Variants in MGRN1 observed in about 807,000 individuals in gnomAD.
MGRN1 encodes mahogunin ring finger 1, also known as E3 ubiquitin-protein ligase MGRN1.
In MGRN1, 29 loss-of-function variants were observed where a neutral mutation model predicts 69.2. The ratio of observed to expected loss-of-function variants is 0.42; its 90% CI spans 0.31 to 0.57. The LOEUF is 0.57. MGRN1 is among the 20% of genes least tolerant of loss of function. The pLI is 0.15. For missense variants in MGRN1, 998 were observed against 796.2 expected (o/e 1.25, Z -3.05); for synonymous variants, 470 against 344.2 (o/e 1.37, Z -4.04).
chr16:4,678,824 G>A (rs1003097051), intron 11 of MGRN1, among the ~76,000 whole-genome samples: 5 of 152,256 alleles, frequency 3.3e-5, no homozygotes, highest in African/African-American at 1.2e-4. Context: ...GAGGACTGGC[G>A]TTCACAGACA....
chr16:4,650,816 G>A (rs957059356), intron 2 of MGRN1: 2 of 201,278 alleles, frequency 9.9e-6, no homozygotes, highest in African/African-American at 4.6e-5. Context: ...GGCAAAAATA[G>A]TATTTACAGA....
At chr16:4,637,284 G>T (rs960444064) in intron 1 of MGRN1, among the ~76,000 whole-genome samples, 1 of 151,826 alleles carries the variant, frequency 6.6e-6, no homozygotes, top group Non-Finnish European at 1.5e-5. Context: ...TCAAAAATTA[G>T]CTGGGCATGG....
At chr16:4,678,372 G>C (rs2079100686) in intron 11 of MGRN1, among the ~76,000 whole-genome samples, 1 of 152,228 alleles carries the variant, frequency 6.6e-6, no homozygotes, top group African/African-American at 2.4e-5. Flanking sequence ...GACAGGGCGA[G>C]AGAGAGGTGG....
intron 1 of MGRN1, among the ~76,000 whole-genome samples, chr16:4,641,036 C>A (rs767542330): frequency 6.6e-6 from 1 of 152,200 alleles, no homozygotes; most frequent in Non-Finnish European, 1.5e-5. Context: ...GGGTGTGGTT[C>A]CACCTGCGTT....
intron 3 of MGRN1, among the ~76,000 whole-genome samples, 187 bp from the exon 4 acceptor site, chr16:4,652,488 GGAA>G (rs1458863696): frequency 6.6e-6 from 1 of 152,190 alleles, no homozygotes. Context: ...TCTGTGGGCA[GGAA>G]GAAGGAGAGG....
intron 8 of MGRN1, among the ~76,000 whole-genome samples, chr16:4,670,082 C>G (rs1320005971): frequency 6.6e-6 from 1 of 151,982 alleles, no homozygotes; most frequent in Non-Finnish European, 1.5e-5. Flanking sequence ...TTTATTGAGA[C>G]AAGACAGAGT....
At chr16:4,668,785 C>T (rs375042695) in intron 8 of MGRN1, among the ~76,000 whole-genome samples, 2 of 151,816 alleles carry the variant, frequency 1.3e-5, no homozygotes, top group Admixed American at 6.6e-5. Flanking sequence ...GACATTCATA[C>T]ACATATACAC....
rs370369822 is a variant in MGRN1, at chr16:4,679,987, G to A, written c.1066-45G>A. Reference sequence around the variant, plus strand: ...GACCTGTCCAGCCCACTCCAGGGCCGCGTGGGGGTGGTAGTTGTAAAACAT... The same window carrying A: ...GACCTGTCCAGCCCACTCCAGGGCCACGTGGGGGTGGTAGTTGTAAAACAT... On this transcript the variant is annotated intron_variant, in intron 11 of 16. Coordinates refer to ENST00000262370, the MANE Select transcript of MGRN1 (RefSeq NM_015246.4). 3.7e-5 allele frequency: 58 copies of A among 1,585,834 alleles called. 1 individual carries two copies. The highest frequency in any genetic ancestry group is 3.4e-4 in the African/African-American group (25 of 74,114).
chr16:4,625,400 C>T (rs948059675), intron 1 of MGRN1, among the ~76,000 whole-genome samples: 3 of 152,240 alleles, frequency 2.0e-5, no homozygotes, highest in Non-Finnish European at 4.4e-5. Context: ...TCGCTTCTGC[C>T]TAGAAAACTC....
chr16:4,639,414 T>C (rs1054300387), intron 1 of MGRN1, among the ~76,000 whole-genome samples: 3 of 151,916 alleles, frequency 2.0e-5, no homozygotes, highest in African/African-American at 7.3e-5. Context: ...GAATCACTGG[T>C]CTGCAGAGCG....
chr16:4,626,853 A>C (rs1596248180), intron 1 of MGRN1, among the ~76,000 whole-genome samples: 1 of 152,156 alleles, frequency 6.6e-6, no homozygotes, highest in African/African-American at 2.4e-5. Context: ...CCCAGGTGCA[A>C]CCCATCAGCT....
intron 16 of MGRN1, among the ~76,000 whole-genome samples, chr16:4,686,028 G>A (rs1187832634): frequency 1.3e-5 from 2 of 152,186 alleles, no homozygotes; most frequent in Non-Finnish European, 2.9e-5. Flanking sequence ...GGCTGCGGCA[G>A]CGGGAGGTAT....
chr16:4,625,822 C>T (rs1265546261), intron 1 of MGRN1, among the ~76,000 whole-genome samples: 2 of 152,240 alleles, frequency 1.3e-5, no homozygotes, highest in African/African-American at 2.4e-5. Context: ...CACCCTCCAT[C>T]TCCTCGTGGG....
chr16:4,639,471 A>G (rs2078110132), intron 1 of MGRN1, among the ~76,000 whole-genome samples: 1 of 152,112 alleles, frequency 6.6e-6, no homozygotes, highest in African/African-American at 2.4e-5. Flanking sequence ...AACCTTCACC[A>G]TTGGGCATCA....
intron 7 of MGRN1, among the ~76,000 whole-genome samples, chr16:4,667,123 G>T (rs2078822546): frequency 6.6e-6 from 1 of 152,232 alleles, no homozygotes; most frequent in Admixed American, 6.5e-5. Flanking sequence ...GGCCCAGCCT[G>T]CCTGCTGCGG....
chr16:4,644,008 T>A (rs2078219618), intron 1 of MGRN1, among the ~76,000 whole-genome samples: 1 of 152,138 alleles, frequency 6.6e-6, no homozygotes, highest in African/African-American at 2.4e-5. Context: ...AGTCTCGCTC[T>A]GTTGCCCAGG....
At chr16:4,672,772 C>G (rs991605235) in intron 9 of MGRN1, among the ~76,000 whole-genome samples, 5 of 152,216 alleles carry the variant, frequency 3.3e-5, no homozygotes, top group Non-Finnish European at 7.3e-5. Context: ...TGTCCAGTTG[C>G]TAATGTGGTT....
chr16:4,647,346 G>T (rs377287222), intron 1 of MGRN1, among the ~76,000 whole-genome samples: 17 of 152,260 alleles, frequency 1.1e-4, no homozygotes, highest in African/African-American at 4.1e-4. Flanking sequence ...GCCCCGCCCC[G>T]TAGGCTGTGT....
chr16:4,662,399 C>G (rs559889924), intron 5 of MGRN1, among the ~76,000 whole-genome samples: 1 of 151,790 alleles, frequency 6.6e-6, no homozygotes, highest in Non-Finnish European at 1.5e-5. Context: ...GCCTATAATC[C>G]CAGTTACTTG....
Sources: gnomAD v4.1 joint callset for allele counts (sites outside exome capture counted in the v4.1 genomes callset) on GRCh38, gnomAD v4.1.1 for gene constraint, MANE v1.5 for transcripts, NCBI Gene and HGNC (gene_info 2026-07-23, HGNC 2026-07-21) for gene names.